Variants in FYN observed in about 807,000 individuals in gnomAD.
FYN encodes FYN proto-oncogene, Src family tyrosine kinase.
Under a neutral mutation model 70.2 loss-of-function variants are expected in FYN, and 10 were observed. That is an observed-to-expected ratio of 0.14 (90% confidence interval 0.09 to 0.24). The LOEUF (loss-of-function observed/expected upper bound fraction) is 0.24, where lower values mean the gene tolerates loss of function less well. Ranked by LOEUF, FYN falls within the 10% of genes least tolerant of loss-of-function variation. The probability of loss-of-function intolerance (pLI) is 1.00; values close to 1 mark genes in which losing one functional copy is unlikely to be tolerated. For synonymous variants in FYN, 236 were observed against 248.6 expected, an observed-to-expected ratio of 0.95 and a Z score of 0.48; for missense variants, 319 against 673.1, an observed-to-expected ratio of 0.47 and a Z score of 5.82.
intron 1 of FYN, among the ~76,000 whole-genome samples, chr6:111,865,604 T>C (rs1774082228): frequency 6.6e-6 from 1 of 152,196 alleles, no homozygotes; most frequent in Admixed American, 6.5e-5. Flanking sequence ...TCATGTGTTT[T>C]AGTAGCTAAA....
intron 4 of FYN, among the ~76,000 whole-genome samples, chr6:111,714,974 G>A (rs1377884725): frequency 6.6e-6 from 1 of 152,196 alleles, no homozygotes; most frequent in Non-Finnish European, 1.5e-5. Flanking sequence ...ATTAGAGGAT[G>A]TACTGCCCTT....
chr6:111,741,528 A>AACG (rs397767349), intron 3 of FYN, among the ~76,000 whole-genome samples: 2 of 151,550 alleles, frequency 1.3e-5, no homozygotes, highest in East Asian at 1.9e-4. Flanking sequence ...TTTTTATAAC[A>AACG]GTGTGTTACT....
chr6:111,821,365 C>G (rs1027628221), intron 2 of FYN, among the ~76,000 whole-genome samples: 4 of 152,024 alleles, frequency 2.6e-5, no homozygotes, highest in Non-Finnish European at 4.4e-5. Context: ...ACAAACCTGA[C>G]AAAAACAAGA....
intron 2 of FYN, among the ~76,000 whole-genome samples, chr6:111,809,527 G>A (rs1772257172): frequency 6.6e-6 from 1 of 152,104 alleles, no homozygotes; most frequent in Admixed American, 6.5e-5. Context: ...CAAACACATG[G>A]CAGATGTTAG....
chr6:111,689,047 G>A (rs1799182037), intron 12 of FYN, among the ~76,000 whole-genome samples: 1 of 152,110 alleles, frequency 6.6e-6, no homozygotes, highest in Non-Finnish European at 1.5e-5. Context: ...GAAAATGTAT[G>A]TCAAATACAA....
intron 3 of FYN, among the ~76,000 whole-genome samples, chr6:111,764,100 G>A (rs1264168825): frequency 6.6e-6 from 1 of 151,624 alleles, no homozygotes; most frequent in African/African-American, 2.4e-5. Flanking sequence ...GGAGCTGGGT[G>A]AGGTTGCAGG....
intron 3 of FYN, among the ~76,000 whole-genome samples, chr6:111,744,411 C>T (rs1264799319): frequency 1.3e-5 from 2 of 152,184 alleles, no homozygotes; most frequent in African/African-American, 4.8e-5. Context: ...GGCCTTCAGC[C>T]TGCAGTGGTT....
chr6:111,673,867 A>G (rs1341965931), intron 13 of FYN, among the ~76,000 whole-genome samples: 1 of 152,218 alleles, frequency 6.6e-6, no homozygotes, highest in East Asian at 1.9e-4. Flanking sequence ...TTTGGAGAGC[A>G]TAAATCTGAT....
intron 2 of FYN, among the ~76,000 whole-genome samples, chr6:111,824,466 T>A (rs955139508): frequency 6.6e-6 from 1 of 150,882 alleles, no homozygotes; most frequent in Non-Finnish European, 1.5e-5. Flanking sequence ...GACACCATCA[T>A]GGATGAGAGA....
At chr6:111,848,027 C>T (rs993432837) in intron 1 of FYN, among the ~76,000 whole-genome samples, 1 of 152,226 alleles carries the variant, frequency 6.6e-6, no homozygotes. Context: ...CACTAGGGAT[C>T]TAGACACTGC....
chr6:111,815,482 A>G (rs1019397035), intron 2 of FYN, among the ~76,000 whole-genome samples: 1 of 152,170 alleles, frequency 6.6e-6, no homozygotes, highest in African/African-American at 2.4e-5. Flanking sequence ...CCCCCATTAA[A>G]CCAGCATAAA....
At chr6:111,843,892 G>A (rs998795893) in intron 2 of FYN, among the ~76,000 whole-genome samples, 3 of 152,124 alleles carry the variant, frequency 2.0e-5, no homozygotes, top group Admixed American at 2.0e-4. Context: ...TGGGCCTTTA[G>A]GGGAGTGTCA....
rs1018261613 is a variant in FYN at position 111,775,353 on chromosome 6, G to C, written c.-12+5213C>G. On this transcript the variant is annotated intron_variant, in intron 3 of 13. Transcript: ENST00000354650. ...TGGCCTCCCGCAAAGCAACTTCAAG[G>C]AATCTGGTTTAGAATGTTGCCAGAA... 1.3e-5 allele frequency among the ~76,000 whole-genome samples: 2 copies of C among 152,144 alleles called. 1 individual carries two copies. The highest frequency in any genetic ancestry group is 4.1e-4 in the South Asian group (2 of 4,828).
At chr6:111,767,658 C>T (rs528135299) in intron 3 of FYN, among the ~76,000 whole-genome samples, 4 of 152,184 alleles carry the variant, frequency 2.6e-5, no homozygotes, top group African/African-American at 9.6e-5. Context: ...CCTTGGCCTC[C>T]CAAAGTGCTG....
chr6:111,715,421 C>T (rs190429848), intron 4 of FYN, among the ~76,000 whole-genome samples: 1 of 152,212 alleles, frequency 6.6e-6, no homozygotes, highest in East Asian at 1.9e-4. Context: ...TGACTCCTGC[C>T]TCCTAGTATT....
intron 1 of FYN, among the ~76,000 whole-genome samples, chr6:111,872,552 G>A (rs1169235207): frequency 6.8e-6 from 1 of 147,220 alleles, no homozygotes; most frequent in Non-Finnish European, 1.5e-5. Flanking sequence ...GGTTGGGTGG[G>A]GAGGGAAGCA....
intron 3 of FYN, among the ~76,000 whole-genome samples, chr6:111,737,788 C>T (rs1270931277): frequency 6.6e-6 from 1 of 152,194 alleles, no homozygotes; most frequent in East Asian, 1.9e-4. Flanking sequence ...GACCAGTCCC[C>T]ATCCTCTAGA....
chr6:111,719,747 G>A lies in FYN; in HGVS notation c.247+58C>T, dbSNP rs1405172037. ...GTGATGGGAACCCAGATGTTCAATT[G>A]CCAAAAGATTTAAGGGTGGCTGCCC... On this transcript the variant is annotated intron_variant, in intron 4 of 13. Coordinates refer to ENST00000354650, the MANE Select transcript of FYN (RefSeq NM_002037.5). 4.4e-6 allele frequency: 7 copies of A among 1,573,074 alleles called. No individual in the cohort carries two copies. In the South Asian group the frequency reaches 4.7e-5, roughly 11 times the overall value.
chr6:111,842,573 CTG>C (rs1373530845), intron 2 of FYN, among the ~76,000 whole-genome samples: 1 of 152,220 alleles, frequency 6.6e-6, no homozygotes, highest in Non-Finnish European at 1.5e-5. Flanking sequence ...GCAACCAGCA[CTG>C]TGAGGCCTTT....
Sources: allele counts gnomAD v4.1 joint callset (sites outside exome capture counted in the v4.1 genomes callset), GRCh38; gene constraint gnomAD v4.1.1; transcripts MANE v1.5; gene names NCBI Gene and HGNC (gene_info 2026-07-23, HGNC 2026-07-21).